KIF23: variants seen among roughly 807,000 people sequenced by gnomAD.
The protein encoded by KIF23 is kinesin-like protein KIF23.
A neutral mutation model predicts 137.5 loss-of-function variants in KIF23; 30 were observed. The observed-to-expected ratio is 0.22, with a 90% CI of 0.16 to 0.30. The LOEUF (loss-of-function observed/expected upper bound fraction) is 0.30, where lower values mean the gene tolerates loss of function less well. Among genes scored for constraint, KIF23 ranks in the 10% least tolerant of loss-of-function variants. The pLI is 1.00. For missense variants in KIF23, 920 were observed against 1,194.3 expected, an observed-to-expected ratio of 0.77 and a Z score of 3.38; for synonymous variants, 367 against 391.1, an observed-to-expected ratio of 0.94 and a Z score of 0.73.
chr15:69,442,019 C>G (rs1567079333), intron 19 of KIF23, among the ~76,000 whole-genome samples: 2 of 152,104 alleles, frequency 1.3e-5, no homozygotes, highest in African/African-American at 2.4e-5. Flanking sequence ...GCCTTGGCCT[C>G]CAAAGGTGCT....
intron 1 of KIF23, chr15:69,414,988 C>G (rs1444775054): frequency 2.0e-5 from 3 of 153,756 alleles, no homozygotes; most frequent in African/African-American, 7.2e-5. Context: ...AGCCGAGCAC[C>G]CTGTCCTTGA....
At position 69,440,459 on chromosome 15, in the gene KIF23, A is replaced by T. The variant is rs1389526207; in HGVS notation, c.2081A>T (p.Gln694Leu). The T allele has an allele frequency of 6.2e-7, 1 of 1,612,770 alleles. No individual in the cohort carries two copies. The highest frequency in any genetic ancestry group is 8.5e-7 in the Non-Finnish European group (1 of 1,179,596). Residue 694 changes from glutamine (Q) to leucine (L), a missense_variant, in exon 18 of 24, where the codon CAA becomes CTA. Gln to Leu is a moderately radical substitution (Grantham distance 113, BLOSUM62 -2). Transcript: ENST00000679126. ...GAGCGAGATCGAGAAAAAGTTACTC[A>T]AAGATCTGTTTCTCCATCACCTGTG... ...SRERDREKVT[Q>L]RSVSPSPVPL...
chr15:69,423,395 T>A, intron 7 of KIF23, 66 bp downstream of exon 7: 2 of 1,044,038 alleles, frequency 1.9e-6, no homozygotes, highest in Non-Finnish European at 2.7e-6. Flanking sequence ...CTCAAGGAGT[T>A]TTAGTTTCTT....
At chr15:69,421,793 T>C (rs2057064198) in intron 4 of KIF23, 41 bp downstream of exon 4, 2 of 1,436,722 alleles carry the variant, frequency 1.4e-6, no homozygotes, top group Admixed American at 1.9e-5. Flanking sequence ...TTTTCCTTTT[T>C]CTCCTCTTCT....
At chr15:69,447,742 G>A (rs1057079497) in intron 23 of KIF23, 50 bp from the exon 24 acceptor site, 1 of 1,574,618 alleles carries the variant, frequency 6.4e-7, no homozygotes, top group Non-Finnish European at 8.7e-7. Context: ...TGCTATGAAT[G>A]TGTTACTAAT....
chr15:69,438,487 C>G, intron 16 of KIF23, 82 bp downstream of exon 16: 1 of 1,286,008 alleles, frequency 7.8e-7, no homozygotes, highest in East Asian at 2.5e-5. Context: ...GCTCCAACGG[C>G]CTGTAAATGC....
At chr15:69,423,133 A>C in intron 6 of KIF23, 26 bp from the exon 7 acceptor site, 1 of 1,429,424 alleles carries the variant, frequency 7.0e-7, no homozygotes, top group Non-Finnish European at 9.7e-7. Context: ...CTTATAACGT[A>C]TACAATTGAA....
chr15:69,436,077 G>C, intron 13 of KIF23, 61 bp from the exon 14 acceptor site: 1 of 1,580,706 alleles, frequency 6.3e-7, no homozygotes, highest in Non-Finnish European at 8.6e-7. Flanking sequence ...GCTTCATTTA[G>C]TAATTTCTGG....
intron 20 of KIF23, among the ~76,000 whole-genome samples, 153 bp downstream of exon 20, chr15:69,445,194 A>C (rs889695652): frequency 1.3e-5 from 2 of 152,200 alleles, no homozygotes; most frequent in Non-Finnish European, 2.9e-5. Flanking sequence ...AAAATTAGTC[A>C]CTGCTTAGGT....
chr15:69,422,716 C>T (rs1240506562), intron 6 of KIF23, among the ~76,000 whole-genome samples: 3 of 151,960 alleles, frequency 2.0e-5, no homozygotes, highest in Admixed American at 6.6e-5. Context: ...GTTGGCAAAC[C>T]ATGAGTATGA....
At chr15:69,419,092 G>A (rs1233475309) in intron 3 of KIF23, among the ~76,000 whole-genome samples, 1 of 152,128 alleles carries the variant, frequency 6.6e-6, no homozygotes, top group Non-Finnish European at 1.5e-5. Flanking sequence ...ACTCCAGCTT[G>A]GGCAACAAGA....
intron 12 of KIF23, 35 bp from the exon 13 acceptor site, chr15:69,435,617 T>C: frequency 6.2e-7 from 1 of 1,612,738 alleles, no homozygotes; most frequent in Non-Finnish European, 8.5e-7. Context: ...TGCATTTTTT[T>C]TGCGTAACAC....
chr15:69,414,677 G>A, intron 1 of KIF23: 1 of 498,618 alleles, frequency 2.0e-6, no homozygotes, highest in Non-Finnish European at 3.2e-6. Context: ...GGAGACCCCT[G>A]CCGCGTCGCC....
intron 19 of KIF23, among the ~76,000 whole-genome samples, chr15:69,441,905 G>A (rs528009123): frequency 6.6e-6 from 1 of 151,998 alleles, no homozygotes; most frequent in African/African-American, 2.4e-5. Flanking sequence ...AAGTAGCTGA[G>A]ATTACGGGCA....
At position 69,444,781 on chromosome 15, in the gene KIF23, G is replaced by T; in HGVS notation, c.2422-9G>T. On this transcript the variant is annotated splice_polypyrimidine_tract_variant and intron_variant, in intron 19 of 23. Transcript: ENST00000679126. This position sits in a 1 kb window ranked among gnomAD's most constrained non-coding sequence, Gnocchi z 4.2. ...CTTAAATTAATTCTGGGTTATGCTT[G>T]TTTCTCAGTTACTCTTTCAACCTGA... The T allele has an allele frequency of 6.2e-7, 1 of 1,612,134 alleles. No individual in the cohort carries two copies. The highest frequency in any genetic ancestry group is 8.5e-7 in the Non-Finnish European group (1 of 1,178,650).
intron 19 of KIF23, among the ~76,000 whole-genome samples, chr15:69,441,438 T>G (rs1487815497): frequency 6.6e-6 from 1 of 152,182 alleles, no homozygotes; most frequent in Non-Finnish European, 1.5e-5. Flanking sequence ...CCAAATTAGA[T>G]TTTTTATACC....
rs1273739601 is a variant in KIF23, at chr15:69,421,825, A to G, written c.316+73A>G. On this transcript the variant is annotated intron_variant, in intron 4 of 23. Coordinates refer to ENST00000679126, the MANE Select transcript of KIF23 (RefSeq NM_001367805.3). ...TTCTGATAAAACTTTTTTGATATTT[A>G]TATATTTGATTTATGTTTGGTGTTG... The G allele has an allele frequency of 8.3e-6, 11 of 1,320,238 alleles. No homozygotes were observed. The South Asian group carries it at 9.0e-5, about 11-fold the overall frequency. The allele number at this position is 1,320,238 out of a possible 1,614,324, so 81.8% of individuals were successfully genotyped here. A position where few individuals can be genotyped will look rare whatever the true frequency, so the allele number is the denominator to read the frequency against.
At chr15:69,431,860 G>C (rs1357182507) in intron 11 of KIF23, among the ~76,000 whole-genome samples, 1 of 152,208 alleles carries the variant, frequency 6.6e-6, no homozygotes, top group East Asian at 1.9e-4. Flanking sequence ...ATATGCTGAA[G>C]AGATGATGTT....
rs747785361 is a variant in KIF23, at chr15:69,436,214, C to T, written c.1391C>T (p.Thr464Met). Residue 464 changes from threonine (T) to methionine (M), a missense_variant, in exon 14 of 24, where the codon ACG (threonine) becomes ATG (methionine). Coordinates refer to ENST00000679126, the MANE Select transcript of KIF23 (RefSeq NM_001367805.3). ...GTAGACAAGGCAATATGTGGTTTAA[C>T]GCCTGGGAGGAGATACAGAAACCAG... ...RPVDKAICGL[T>M]PGRRYRNQPR... The T allele has an allele frequency of 1.4e-5, 23 of 1,613,718 alleles. No individual in the cohort carries two copies. The highest frequency in any genetic ancestry group is 2.2e-5 in the East Asian group (1 of 44,882).
Sources: allele counts gnomAD v4.1 joint callset (sites outside exome capture counted in the v4.1 genomes callset), GRCh38; gene constraint gnomAD v4.1.1; non-coding constraint Gnocchi (gnomAD v3.1); transcripts MANE v1.5; gene names NCBI Gene and HGNC (gene_info 2026-07-23, HGNC 2026-07-21).